The following HUNK variants were observed in gnomAD, a reference collection of about 807,000 sequenced individuals.
HUNK encodes the protein hormonally up-regulated Neu-associated kinase.
A neutral mutation model predicts 61.0 loss-of-function variants in HUNK; 21 were observed. That is an observed-to-expected ratio of 0.34 (90% confidence interval 0.24 to 0.50). The LOEUF is 0.50. HUNK is among the 20% of genes least tolerant of loss of function. The pLI, the probability that HUNK is intolerant of heterozygous loss-of-function variation, is 0.98. For synonymous variants in HUNK, 371 were observed against 386.1 expected, an observed-to-expected ratio of 0.96 and a Z score of 0.46; for missense variants, 772 against 945.7, an observed-to-expected ratio of 0.82 and a Z score of 2.41.
intron 1 of HUNK, among the ~76,000 whole-genome samples, chr21:31,921,128 C>T (rs944213110): frequency 3.0e-5 from 4 of 131,478 alleles, no homozygotes; most frequent in African/African-American, 1.2e-4. Flanking sequence ...GCATTCCAGC[C>T]TGGGCCACAG....
intron 4 of HUNK, among the ~76,000 whole-genome samples, chr21:31,951,196 A>G (rs1023143426): frequency 1.3e-5 from 2 of 149,782 alleles, no homozygotes; most frequent in African/African-American, 4.9e-5. Flanking sequence ...GTATAAATAT[A>G]TATATATATA....
At chr21:31,931,180 C>T (rs2052694264) in intron 2 of HUNK, among the ~76,000 whole-genome samples, 1 of 151,324 alleles carries the variant, frequency 6.6e-6, no homozygotes, top group Non-Finnish European at 1.5e-5. Context: ...TATTAAAATC[C>T]ATCTTGTGAC....
intron 7 of HUNK, among the ~76,000 whole-genome samples, chr21:31,977,588 TAGAG>T (rs2053059006): frequency 6.6e-6 from 1 of 152,216 alleles, no homozygotes; most frequent in Non-Finnish European, 1.5e-5. Context: ...CTTCCACATT[TAGAG>T]ATACAAGCTT....
chr21:32,001,323 T>C lies in HUNK; in HGVS notation c.*2139T>C, dbSNP rs1198675682. On this transcript the variant is annotated 3_prime_UTR_variant, in exon 11 of 11. Transcript: ENST00000270112. ...ATAAGCAGAGAGAAGAAAATAATCA[T>C]CTAAGACCATCTCTCCATTCGACAT... The C allele has an allele frequency of 6.6e-6, 1 of 152,002 alleles. No homozygotes were observed. The allele number at this position is 152,002 out of a possible 1,614,324, so 9.4% of individuals were successfully genotyped here.
At chr21:31,908,124 G>C (rs548811511) in intron 1 of HUNK, among the ~76,000 whole-genome samples, 13 of 152,130 alleles carry the variant, frequency 8.5e-5, no homozygotes, top group African/African-American at 3.1e-4. Flanking sequence ...AGCATTTAAA[G>C]AATGAAAATT....
Position 31,998,620 on chromosome 21 carries a change from G to A in HUNK, c.1581G>A (p.Arg527=). The part of the protein sequence containing the change: ...SMEFIPVPPP[R]TPRIVKKPEP... ...AGTTCATCCCCGTGCCACCGCCCAGGACCCCGAGGATTGTGAAGAAACCGG... is the reference window on the plus strand; with the variant it reads ...AGTTCATCCCCGTGCCACCGCCCAGAACCCCGAGGATTGTGAAGAAACCGG... The change falls in exon 11 of 11, where the codon AGG becomes AGA. Residue 527 remains arginine, a synonymous_variant. Coordinates refer to ENST00000270112, the MANE Select transcript of HUNK (RefSeq NM_014586.2). 6.2e-7 allele frequency: 1 copy of A among 1,614,068 alleles called. No homozygotes were observed.
Position 31,917,261 on chromosome 21 carries a change from T to C in HUNK, c.262-7207T>C, listed in dbSNP as rs188841623. Reference sequence around the variant, plus strand: ...AGGCTTGAGTGCAGTGGTGAGATCATAGGTCACTACAGCCTGGAACTCCCA... The same window carrying C: ...AGGCTTGAGTGCAGTGGTGAGATCACAGGTCACTACAGCCTGGAACTCCCA... On this transcript the variant is annotated intron_variant, in intron 1 of 10. Transcript: ENST00000270112. Among the ~76,000 whole-genome samples, 35 of 152,076 alleles carry C rather than the reference T, an allele frequency of 2.3e-4. 1 individual carries two copies. The highest frequency in any genetic ancestry group is 2.0e-3 in the Admixed American group (30 of 15,268).
Position 31,924,684 on chromosome 21 carries a change from GA to G in HUNK, c.479del (p.Glu160GlyfsTer15), listed in dbSNP as rs774902822. ...GATCTATGAGAAGAAGCGGCTGGAG[GA>G]GTCCGAAGCCCGCAGATACATCCGA... ...HKIYEKKRLE[E>X]SEARRYIRQL... is the part of the protein sequence containing the mutation. On this transcript the variant is annotated frameshift_variant, in exon 2 of 11. Transcript: ENST00000270112. LOFTEE classifies it high-confidence loss of function. This position sits in a 1 kb window ranked among gnomAD's most constrained non-coding sequence, Gnocchi z 5.1. 2 of 1,614,096 alleles carry G rather than the reference GA, an allele frequency of 1.2e-6. No individual in the cohort carries two copies. The highest frequency in any genetic ancestry group is 1.7e-6 in the Non-Finnish European group (2 of 1,180,036).
chr21:31,899,319 G>T (rs1292965021), intron 1 of HUNK, among the ~76,000 whole-genome samples: 1 of 152,162 alleles, frequency 6.6e-6, no homozygotes, highest in Non-Finnish European at 1.5e-5. Flanking sequence ...AATGCTGTAG[G>T]GGAGGAGAAT....
At chr21:31,995,244 G>T (rs2053196458) in intron 9 of HUNK, among the ~76,000 whole-genome samples, 1 of 152,022 alleles carries the variant, frequency 6.6e-6, no homozygotes, top group African/African-American at 2.4e-5. Flanking sequence ...ACACGATTAG[G>T]GTAGAAAGGG....
At position 32,003,300 on chromosome 21, in the gene HUNK, T is replaced by G. The variant is rs1488519184; in HGVS notation, c.*4116T>G. On this transcript the variant is annotated 3_prime_UTR_variant, in exon 11 of 11. Coordinates refer to ENST00000270112, the MANE Select transcript of HUNK (RefSeq NM_014586.2). ...TTGAAGCTGGGGAAAGACAGCTTTCTTTGGGAACTCTGTCTTTCTCAGTTG... is the reference window on the plus strand; with the variant it reads ...TTGAAGCTGGGGAAAGACAGCTTTCGTTGGGAACTCTGTCTTTCTCAGTTG... The G allele has an allele frequency of 6.6e-6, 1 of 152,258 alleles. No individual in the cohort carries two copies. 9.4% of individuals were successfully genotyped at this position (152,258 alleles called of 1,614,324 possible). A position where few individuals can be genotyped will look rare whatever the true frequency, so the allele number is the denominator to read the frequency against.
intron 1 of HUNK, among the ~76,000 whole-genome samples, chr21:31,919,758 T>C (rs1010674): frequency 0.32 from 48,462 of 151,960 alleles, 9,687 homozygotes; most frequent in African/African-American, 0.57. Context: ...GTGGAGTCAA[T>C]GAGGAATTGT....
chr21:31,983,811 A>G (rs1034800578), intron 8 of HUNK, among the ~76,000 whole-genome samples: 1 of 152,222 alleles, frequency 6.6e-6, no homozygotes, highest in African/African-American at 2.4e-5. Flanking sequence ...CTGTGGCTGC[A>G]TGTTAAAGTC....
chr21:31,940,340 CTTTT>C (rs1000049682), intron 3 of HUNK, 120 bp downstream of exon 3: 19 of 574,366 alleles, frequency 3.3e-5, no homozygotes, highest in Admixed American at 1.6e-4. Context: ...AGATTATCTT[CTTTT>C]ACCTCCAATA....
intron 5 of HUNK, among the ~76,000 whole-genome samples, chr21:31,961,871 C>T (rs546487650): frequency 6.6e-6 from 1 of 152,332 alleles, no homozygotes; most frequent in African/African-American, 2.4e-5. Context: ...TGATCTGCTG[C>T]CATTTCATTG....
intron 4 of HUNK, among the ~76,000 whole-genome samples, chr21:31,949,105 C>T (rs559428147): frequency 4.6e-5 from 7 of 152,332 alleles, no homozygotes; most frequent in South Asian, 2.1e-4. Context: ...GAGGCACACA[C>T]GAGCCCGAAT....
intron 6 of HUNK, among the ~76,000 whole-genome samples, chr21:31,969,021 G>A (rs1279500735): frequency 6.6e-6 from 1 of 152,066 alleles, no homozygotes; most frequent in Non-Finnish European, 1.5e-5. Flanking sequence ...TGGGATTACA[G>A]GAACGTGCCA....
chr21:31,928,094 G>A (rs1159366350), intron 2 of HUNK, among the ~76,000 whole-genome samples: 1 of 152,182 alleles, frequency 6.6e-6, no homozygotes, highest in Non-Finnish European at 1.5e-5. Context: ...AAGTGTGCCT[G>A]GCTCTGTCTT....
chr21:31,901,287 CTTGG>C (rs1488300294), intron 1 of HUNK, among the ~76,000 whole-genome samples: 1 of 152,126 alleles, frequency 6.6e-6, no homozygotes, highest in East Asian at 1.9e-4. Context: ...TGCTGGGTGA[CTTGG>C]TTGGTCACTG....
Sources: allele counts gnomAD v4.1 joint callset (sites outside exome capture counted in the v4.1 genomes callset), GRCh38; gene constraint gnomAD v4.1.1; non-coding constraint Gnocchi (gnomAD v3.1); transcripts MANE v1.5; gene names NCBI Gene and HGNC (gene_info 2026-07-23, HGNC 2026-07-21).